The following WDSUB1 variants were observed in gnomAD, a reference collection of about 807,000 sequenced individuals.
WDSUB1 encodes the protein WD repeat, sterile alpha motif and U-box domain containing 1.
In WDSUB1, 49 loss-of-function variants were observed where a neutral mutation model predicts 53.9. That is an observed-to-expected ratio of 0.91 (90% CI 0.72 to 1.15). The LOEUF (loss-of-function observed/expected upper bound fraction) is 1.15. Ranked by LOEUF, WDSUB1 falls within the 50% of genes most tolerant of loss-of-function variation. The pLI, the probability that WDSUB1 is intolerant of heterozygous loss-of-function variation, is 0.00. For synonymous variants in WDSUB1, 194 were observed against 200.6 expected (o/e 0.97, Z 0.28); for missense variants, 514 against 562.0 (o/e 0.91, Z 0.86).
At position 159,241,878 on chromosome 2, in the gene WDSUB1, T is replaced by G. The variant is rs2060659308; in HGVS notation, c.1274-5688A>C. Among the ~76,000 whole-genome samples the G allele has an allele frequency of 2.1e-5, 3 of 142,262 alleles. 1 individual carries two copies. Among genetic ancestry groups the G allele is most frequent in the Non-Finnish European group, 4.5e-5 (3 of 67,178 alleles). The allele number at this position is 142,262 out of a possible 152,430, so 93.3% of individuals were successfully genotyped here. ...TTCTATAGAGTCACTTGTGGTAAGC[T>G]GGCAAAAAAATGGAGAAAGATGCCT... On this transcript the variant is annotated intron_variant, in intron 10 of 10. Transcript: ENST00000359774.
chr2:159,241,365 C>T (rs577605837), intron 10 of WDSUB1, among the ~76,000 whole-genome samples: 47 of 152,150 alleles, frequency 3.1e-4, no homozygotes, highest in Non-Finnish European at 5.7e-4. Context: ...AGTTCAAGAC[C>T]AGCCTGGCCA....
At position 159,257,745 on chromosome 2, in the gene WDSUB1, T is replaced by C; in HGVS notation, c.952+13A>G. The C allele has an allele frequency of 6.2e-7, 1 of 1,607,324 alleles. No homozygotes were observed. Among genetic ancestry groups the C allele is most frequent in the Non-Finnish European group, 8.5e-7 (1 of 1,174,056 alleles). On this transcript the variant is annotated intron_variant, in intron 8 of 10. Coordinates refer to ENST00000359774, the MANE Select transcript of WDSUB1 (RefSeq NM_001128212.3). ...TGGGGTTGAAATGAGTGAAAAATGA[T>C]GTCCTTACTAACCTTGGCAAAGTGT... is the stretch of plus-strand genomic sequence containing the variant.
chr2:159,263,403 G>GT (rs1279504326), intron 5 of WDSUB1, among the ~76,000 whole-genome samples: 1 of 152,176 alleles, frequency 6.6e-6, no homozygotes, highest in Non-Finnish European at 1.5e-5. Context: ...GGAAGAGAAC[G>GT]TAAGAATGAG....
At chr2:159,249,347 A>G (rs2060894227) in intron 9 of WDSUB1, among the ~76,000 whole-genome samples, 1 of 152,220 alleles carries the variant, frequency 6.6e-6, no homozygotes, top group African/African-American at 2.4e-5. Context: ...AAAGATTTTT[A>G]GTTTTAGAAA....
chr2:159,244,957 T>A (rs981263210), intron 10 of WDSUB1, among the ~76,000 whole-genome samples: 13 of 152,162 alleles, frequency 8.5e-5, no homozygotes, highest in African/African-American at 2.7e-4. Flanking sequence ...AACATTTTTT[T>A]AAAATAAGCT....
chr2:159,277,276 T>C (rs910483272), intron 3 of WDSUB1, among the ~76,000 whole-genome samples: 1 of 152,238 alleles, frequency 6.6e-6, no homozygotes, highest in Non-Finnish European at 1.5e-5. Flanking sequence ...CTAAGAGAGA[T>C]CTTGAGGGAT....
intron 9 of WDSUB1, among the ~76,000 whole-genome samples, chr2:159,249,089 G>A (rs925316183): frequency 2.0e-5 from 3 of 152,194 alleles, no homozygotes; most frequent in African/African-American, 7.2e-5. Flanking sequence ...ATTTCAGGTT[G>A]CCAGACACTA....
At chr2:159,280,441 C>T (rs1417791111) in intron 2 of WDSUB1, among the ~76,000 whole-genome samples, 2 of 151,940 alleles carry the variant, frequency 1.3e-5, no homozygotes, top group African/African-American at 2.4e-5. Context: ...CCTGTAATCC[C>T]AGCACTTTGG....
chr2:159,244,725 G>A (rs1205538808), intron 10 of WDSUB1, among the ~76,000 whole-genome samples: 1 of 152,122 alleles, frequency 6.6e-6, no homozygotes, highest in African/African-American at 2.4e-5. Flanking sequence ...AGAAGTTCAG[G>A]ACCAGCCTGG....
intron 9 of WDSUB1, among the ~76,000 whole-genome samples, chr2:159,250,024 G>T (rs1025573783): frequency 2.0e-5 from 3 of 150,198 alleles, no homozygotes; most frequent in Non-Finnish European, 4.4e-5. Flanking sequence ...AGGAGGCGGA[G>T]GTTGCAGTGA....
chr2:159,274,535 C>G (rs1027623056), intron 4 of WDSUB1, among the ~76,000 whole-genome samples: 1 of 152,154 alleles, frequency 6.6e-6, no homozygotes, highest in African/African-American at 2.4e-5. Flanking sequence ...CAATCTCTCC[C>G]CAACTTCACC....
intron 1 of WDSUB1, among the ~76,000 whole-genome samples, chr2:159,284,727 T>C (rs2061751293): frequency 6.6e-6 from 1 of 152,166 alleles, no homozygotes; most frequent in Non-Finnish European, 1.5e-5. Flanking sequence ...TAGAATAAAA[T>C]CAAACTCATC....
intron 1 of WDSUB1, among the ~76,000 whole-genome samples, chr2:159,284,643 CAAGAA>C (rs938975303): frequency 2.6e-5 from 4 of 152,054 alleles, no homozygotes; most frequent in African/African-American, 9.7e-5. Context: ...TCAAGGAAAC[CAAGAA>C]AAGAAAACCT....
intron 5 of WDSUB1, among the ~76,000 whole-genome samples, chr2:159,266,839 T>C (rs769862454): frequency 5.9e-5 from 9 of 152,222 alleles, no homozygotes; most frequent in Admixed American, 2.0e-4. Context: ...AGTGGCACGA[T>C]TGTGGCTCAC....
chr2:159,247,918 T>TAA (rs1559532149), intron 10 of WDSUB1, among the ~76,000 whole-genome samples: 1 of 77,488 alleles, frequency 1.3e-5, no homozygotes. Flanking sequence ...TAAATATATA[T>TAA]ATATATATAA....
At chr2:159,274,584 C>G (rs73967299) in intron 4 of WDSUB1, among the ~76,000 whole-genome samples, 1 of 152,090 alleles carries the variant, frequency 6.6e-6, no homozygotes, top group Non-Finnish European at 1.5e-5. Context: ...TTATCCCTGG[C>G]GAAACCTTTC....
chr2:159,285,244 T>C (rs1434247764), intron 1 of WDSUB1, among the ~76,000 whole-genome samples: 1 of 152,148 alleles, frequency 6.6e-6, no homozygotes, highest in Non-Finnish European at 1.5e-5. Flanking sequence ...AATATGAAAT[T>C]AGAAAATCTA....
chr2:159,256,842 G>T (rs931899295), intron 8 of WDSUB1, among the ~76,000 whole-genome samples: 1 of 152,048 alleles, frequency 6.6e-6, no homozygotes, highest in East Asian at 1.9e-4. Flanking sequence ...CGATAATTTC[G>T]ATTTTGTCCT....
In WDSUB1 at chr2:159,279,909, A is replaced by G; in HGVS notation, c.435T>C (p.Cys145=). ...AGAAGCTTCCATTAGGAGAAAATGCACATGCCGCCAAGGAGCCATCTTTAA... is the reference window on the plus strand; with the variant it reads ...AGAAGCTTCCATTAGGAGAAAATGCGCATGCCGCCAAGGAGCCATCTTTAA... The part of the protein sequence containing the change: ...GSVKDGSLAA[C]AFSPNGSFFV... The change falls in exon 3 of 11, where the codon TGT becomes TGC. Residue 145 remains cysteine (C), a synonymous_variant. Coordinates refer to ENST00000359774, the MANE Select transcript of WDSUB1 (RefSeq NM_001128212.3). 1 of 1,612,278 alleles carries G rather than the reference A, an allele frequency of 6.2e-7. No individual in the cohort carries two copies. The highest frequency in any genetic ancestry group is 8.5e-7 in the Non-Finnish European group (1 of 1,178,778).
Sources: allele counts gnomAD v4.1 joint callset (sites outside exome capture counted in the v4.1 genomes callset), GRCh38; gene constraint gnomAD v4.1.1; transcripts MANE v1.5; gene names NCBI Gene and HGNC (gene_info 2026-07-23, HGNC 2026-07-21).